The following SLC6A3 variants were observed in gnomAD, a reference collection of about 807,000 sequenced individuals.
The protein encoded by SLC6A3 is sodium-dependent dopamine transporter.
Under a neutral mutation model 70.4 loss-of-function variants are expected in SLC6A3, and 19 were observed. The observed-to-expected ratio is 0.27, with a 90% CI of 0.19 to 0.40. The LOEUF is 0.40. SLC6A3 is among the 10% of genes least tolerant of loss of function. The probability of loss-of-function intolerance (pLI) is 1.00; values close to 1 mark genes in which losing one functional copy is unlikely to be tolerated. For synonymous variants in SLC6A3, 368 were observed against 356.6 expected (o/e 1.03, Z -0.36); for missense variants, 613 against 838.5 (o/e 0.73, Z 3.32).
chr5:1,409,796 C>T lies in SLC6A3; in HGVS notation c.1323G>A (p.Leu441=). 1 of 1,613,416 alleles carries T rather than the reference C, an allele frequency of 6.2e-7. No homozygotes were observed. Among genetic ancestry groups the T allele is most frequent in the South Asian group, 1.1e-5 (1 of 91,088 alleles). ...ITGLIDEFQL[L]HRHRELFTLF... ...GCGTGAAGAGCTCACGGTGTCTGTGCAGCAGCTGGAACTCATCGATGAGCC... is the reference window on the plus strand; with the variant it reads ...GCGTGAAGAGCTCACGGTGTCTGTGTAGCAGCTGGAACTCATCGATGAGCC... The change falls in exon 10 of 15, where the codon CTG becomes CTA. Residue 441 remains leucine (L), a synonymous_variant. Transcript: ENST00000270349.
At chr5:1,416,254 G>A (rs1242911665) in intron 6 of SLC6A3, 53 bp from the exon 7 acceptor site, 3 of 1,359,798 alleles carry the variant, frequency 2.2e-6, no homozygotes, top group Non-Finnish European at 3.1e-6. Flanking sequence ...CAGGCCACAG[G>A]CAAAGGACCT....
intron 5 of SLC6A3, 101 bp from the exon 6 acceptor site, chr5:1,420,804 G>T: frequency 1.6e-6 from 2 of 1,285,334 alleles, no homozygotes; most frequent in South Asian, 1.2e-5. Flanking sequence ...CTTGTCCTCT[G>T]ATTGGGAGGC....
In SLC6A3 at chr5:1,401,037, AG is replaced by A; in HGVS notation, c.1768-52del. 1 of 1,363,822 alleles carries A rather than the reference AG, an allele frequency of 7.3e-7. No individual in the cohort carries two copies. Among genetic ancestry groups the A allele is most frequent in the East Asian group, 2.5e-5 (1 of 40,740 alleles). The allele number at this position is 1,363,822 out of a possible 1,614,324, so 84.5% of individuals were successfully genotyped here. On this transcript the variant is annotated intron_variant, in intron 13 of 14. Transcript: ENST00000270349. This position sits in a 1 kb window ranked among gnomAD's most constrained non-coding sequence, Gnocchi z 6.1. The stretch of plus-strand genomic sequence containing the variant: ...TCAGTGCAGACCAGTACCCACTGCC[AG>A]CACCCACCACTGACTCACACTGCCA...
At position 1,396,623 on chromosome 5, in the gene SLC6A3, T is replaced by C. The variant is rs1755727128; in HGVS notation, c.1840-1865A>G. ...AATGGCCCAGGACCCCTGCTGAGGG[T>C]TCAGACGAGCACATCCCGCTGTGAA... On this transcript the variant is annotated intron_variant, in intron 14 of 14. Transcript: ENST00000270349. The surrounding 1 kb of genome is among the most constrained non-coding windows in gnomAD (Gnocchi z 7.0). 6.6e-6 allele frequency among the ~76,000 whole-genome samples: 1 copy of C among 151,760 alleles called. No individual in the cohort carries two copies. The highest frequency in any genetic ancestry group is 2.1e-4 in the South Asian group (1 of 4,738).
At chr5:1,418,462 A>T (rs547359059) in intron 6 of SLC6A3, among the ~76,000 whole-genome samples, 11 of 152,104 alleles carry the variant, frequency 7.2e-5, no homozygotes, top group Non-Finnish European at 1.3e-4. Flanking sequence ...TCTATCATCT[A>T]TCTGTCATCT....
rs1480967154 is a variant in SLC6A3 at position 1,409,820 on chromosome 5, C to A, written c.1299G>T (p.Gly433=). The change falls in exon 10 of 15, where the codon GGG becomes GGT. Residue 433 remains glycine (G), a synonymous_variant. Transcript: ENST00000270349. ...AMGGMESVIT[G]LIDEFQLLHR... ...GCAGCAGCTGGAACTCATCGATGAG[C>A]CCGGTGATCACTGACTCCATACCAC... The A allele has an allele frequency of 6.2e-7, 1 of 1,613,370 alleles. No individual in the cohort carries two copies. The highest frequency in any genetic ancestry group is 1.7e-5 in the Admixed American group (1 of 60,030).
intron 6 of SLC6A3, among the ~76,000 whole-genome samples, chr5:1,418,403 C>CATCT (rs371527274): frequency 6.6e-6 from 1 of 152,112 alleles, no homozygotes; most frequent in Non-Finnish European, 1.5e-5. Flanking sequence ...ATCAATCAAT[C>CATCT]ATCTATCTAT....
rs147974193 is a variant in SLC6A3 at position 1,409,056 on chromosome 5, T to C, written c.1468A>G (p.Ile490Val). Reference protein sequence around the residue: ...AGTSILFGVLIEAIGVAWFYG... With the variant: ...AGTSILFGVLVEAIGVAWFYG... ...AACCAGGCCACTCCGATGGCTTCGA[T>C]GAGCACTCCAAAGAGGATGGACGTG... is the stretch of plus-strand genomic sequence containing the variant. Residue 490 changes from isoleucine (I) to valine (V), a missense_variant, in exon 11 of 15, where the codon ATC (isoleucine) becomes GTC (valine). Physicochemically the swap from Ile to Val is conservative, Grantham distance 29. Around this residue, in one of 4 missense-constraint regions of SLC6A3, gnomAD observed 348 missense variants for 481.2 expected, o/e 0.72. Coordinates refer to ENST00000270349, the MANE Select transcript of SLC6A3 (RefSeq NM_001044.5). 13 of 1,612,944 alleles carry C rather than the reference T, an allele frequency of 8.1e-6. No individual in the cohort carries two copies. The East Asian group carries it at 1.8e-4, about 22-fold the overall frequency.
rs1756035880 is a variant in SLC6A3, at chr5:1,408,327, T to C, written c.1498+699A>G. On this transcript the variant is annotated intron_variant, in intron 11 of 14. Transcript: ENST00000270349. The surrounding 1 kb of genome is among the most constrained non-coding windows in gnomAD (Gnocchi z 6.4). ...AAAGTGCTGGGATTACAGGCGTGAG[T>C]CACCGCGCCCGGACCACACATTCAT... Among the ~76,000 whole-genome samples, 1 of 151,610 alleles carries C rather than the reference T, an allele frequency of 6.6e-6. No individual in the cohort carries two copies.
Position 1,402,195 on chromosome 5 carries a change from T to C in SLC6A3, c.1767+727A>G, listed in dbSNP as rs1207802379. Among the ~76,000 whole-genome samples, 3 of 151,522 alleles carry C rather than the reference T, an allele frequency of 2.0e-5. No homozygotes were observed. The highest frequency in any genetic ancestry group is 4.9e-5 in the African/African-American group (2 of 41,172). ...GATTTGAGGAAGCAGCTTCCGGGAG[T>C]TCCCAGTGGTGGGATCTCAGGTGAG... On this transcript the variant is annotated intron_variant, in intron 13 of 14. Coordinates refer to ENST00000270349, the MANE Select transcript of SLC6A3 (RefSeq NM_001044.5). The surrounding 1 kb of genome is among the most constrained non-coding windows in gnomAD (Gnocchi z 8.5).
chr5:1,418,195 G>A (rs1167563645), intron 6 of SLC6A3, among the ~76,000 whole-genome samples: 2 of 152,064 alleles, frequency 1.3e-5, no homozygotes, highest in East Asian at 3.9e-4. Flanking sequence ...GGTGTCACAG[G>A]GGAGCGCCTG....
Position 1,437,716 on chromosome 5 carries a change from C to A in SLC6A3, c.418+3643G>T, listed in dbSNP as rs552917742. On this transcript the variant is annotated intron_variant, in intron 3 of 14. Coordinates refer to ENST00000270349, the MANE Select transcript of SLC6A3 (RefSeq NM_001044.5). The surrounding 1 kb of genome is among the most constrained non-coding windows in gnomAD (Gnocchi z 4.8). ...TTGGCTCCCAGTTAGGAGCAGGGAG[C>A]AGCTCGCAGGTCTGCAGGAGGGGAA... 2.5e-4 allele frequency among the ~76,000 whole-genome samples: 38 copies of A among 152,314 alleles called. No individual in the cohort carries two copies. Among genetic ancestry groups the A allele is most frequent in the Admixed American group, 2.3e-3 (35 of 15,312 alleles).
rs760385170 is a variant in SLC6A3 at position 1,408,203 on chromosome 5, A to ATTTTTTTTTTTT, written c.1498+811_1498+822dup. Among the ~76,000 whole-genome samples the ATTTTTTTTTTTT allele has an allele frequency of 4.7e-4, 62 of 131,536 alleles. 1 individual carries two copies. The highest frequency in any genetic ancestry group is 1.7e-3 in the African/African-American group (60 of 34,292). The allele number at this position is 131,536 out of a possible 152,430, so 86.3% of individuals were successfully genotyped here. A position where few individuals can be genotyped will look rare whatever the true frequency, so the allele number is the denominator to read the frequency against. Reference sequence around the variant, plus strand: ...AGCCTTGTGCCACCACACCCGGCTAATTTTTTTTTTTTTTTTTTTTAGTAA... The same window carrying ATTTTTTTTTTTT: ...AGCCTTGTGCCACCACACCCGGCTAATTTTTTTTTTTTTTTTTTTTTTTTTTTTTTTTAGTAA... On this transcript the variant is annotated intron_variant, in intron 11 of 14. Coordinates refer to ENST00000270349, the MANE Select transcript of SLC6A3 (RefSeq NM_001044.5). This position sits in a 1 kb window ranked among gnomAD's most constrained non-coding sequence, Gnocchi z 6.4.
intron 12 of SLC6A3, among the ~76,000 whole-genome samples, chr5:1,403,889 A>G (rs1015359585): frequency 6.6e-6 from 1 of 152,216 alleles, no homozygotes; most frequent in African/African-American, 2.4e-5. Flanking sequence ...AACATGCACC[A>G]CCATCTAAAA....
In SLC6A3 at chr5:1,402,525, A is replaced by G. The variant is rs1755873327; in HGVS notation, c.1767+397T>C. Among the ~76,000 whole-genome samples the G allele has an allele frequency of 6.6e-6, 1 of 152,046 alleles. No homozygotes were observed. Among genetic ancestry groups the G allele is most frequent in the African/African-American group, 2.4e-5 (1 of 41,394 alleles). The stretch of plus-strand genomic sequence containing the variant: ...CACATACCATAGTGTGTAGGCATGC[A>G]TGCACTCAGTACACACAAACACTTG... On this transcript the variant is annotated intron_variant, in intron 13 of 14. Coordinates refer to ENST00000270349, the MANE Select transcript of SLC6A3 (RefSeq NM_001044.5). The surrounding 1 kb of genome is among the most constrained non-coding windows in gnomAD (Gnocchi z 8.5).
chr5:1,410,101 G>A (rs530860640), intron 9 of SLC6A3, among the ~76,000 whole-genome samples: 2 of 152,314 alleles, frequency 1.3e-5, no homozygotes, highest in East Asian at 1.9e-4. Context: ...CAGCCTCTTC[G>A]ATGTCTCTGG....
At position 1,406,310 on chromosome 5, in the gene SLC6A3, C is replaced by T; in HGVS notation, c.1499-22G>A. The T allele has an allele frequency of 6.3e-7, 1 of 1,585,368 alleles. No homozygotes were observed. The highest frequency in any genetic ancestry group is 8.7e-7 in the Non-Finnish European group (1 of 1,154,890). On this transcript the variant is annotated intron_variant, in intron 11 of 14. Coordinates refer to ENST00000270349, the MANE Select transcript of SLC6A3 (RefSeq NM_001044.5). The surrounding 1 kb of genome is among the most constrained non-coding windows in gnomAD (Gnocchi z 8.8). ...ACACCTGAGGGAGAAGAGGTGGCAT[C>T]AGTGTCCATCAGGGCAGCGCATTCC...
chr5:1,443,155 C>A lies in SLC6A3; in HGVS notation c.43G>T (p.Val15Leu). The change falls in exon 2 of 15, where the codon GTG (valine) becomes TTG (leucine). Residue 15 changes from valine (V) to leucine (L), a missense_variant. By Grantham distance (32) the Val-to-Leu change is conservative. Transcript: ENST00000270349. ...GCATTGGGCTCCTTAGCCGGGGCCA[C>A]CACGGAAGACATGAGTCCCACGGAG... ...KCSVGLMSSV[V>L]APAKEPNAVG... 1 of 1,614,222 alleles carries A rather than the reference C, an allele frequency of 6.2e-7. No homozygotes were observed. The highest frequency in any genetic ancestry group is 8.5e-7 in the Non-Finnish European group (1 of 1,180,036).
chr5:1,412,550 G>C (rs71595037), intron 8 of SLC6A3, among the ~76,000 whole-genome samples: 1 of 152,216 alleles, frequency 6.6e-6, no homozygotes, highest in African/African-American at 2.4e-5. Flanking sequence ...TGGAGGGGAC[G>C]AGAGTGTGGC....
Sources: gnomAD v4.1 joint callset for allele counts (sites outside exome capture counted in the v4.1 genomes callset) on GRCh38, gnomAD v4.1.1 for gene constraint, gnomAD v4.1.1 regional missense constraint, Gnocchi (gnomAD v3.1) non-coding constraint, MANE v1.5 for transcripts, NCBI Gene and HGNC (gene_info 2026-07-23, HGNC 2026-07-21) for gene names.